The following TBC1D22A variants were observed in gnomAD, a reference collection of about 807,000 sequenced individuals.
TBC1D22A encodes the protein putative GTPase activator.
TBC1D22A carries 38 observed loss-of-function variants against 60.2 expected under a neutral mutation model. The observed-to-expected ratio is 0.63, with a 90% CI of 0.49 to 0.83. The LOEUF is 0.83. Among genes scored for constraint, TBC1D22A ranks in the 40% least tolerant of loss-of-function variants. The pLI is 0.00. For missense variants in TBC1D22A, 628 were observed against 701.0 expected (o/e 0.90, Z 1.18); for synonymous variants, 302 against 281.7 (o/e 1.07, Z -0.72).
chr22:47,116,744 A>G (rs1324282644), intron 12 of TBC1D22A: 2 of 152,360 alleles, frequency 1.3e-5, no homozygotes, highest in African/African-American at 4.8e-5. Context: ...TGGCTCTGGG[A>G]CTGAGTTGTG....
At chr22:47,141,328 A>C (rs2067077135) in intron 12 of TBC1D22A, among the ~76,000 whole-genome samples, 1 of 152,220 alleles carries the variant, frequency 6.6e-6, no homozygotes, top group Non-Finnish European at 1.5e-5. Context: ...ATTAGCCTGC[A>C]ACCTTGATCA....
At chr22:46,816,977 T>C (rs956281478) in intron 4 of TBC1D22A, among the ~76,000 whole-genome samples, 1 of 152,226 alleles carries the variant, frequency 6.6e-6, no homozygotes, top group Non-Finnish European at 1.5e-5. Flanking sequence ...GGCAAAATGC[T>C]GATGTTCGAA....
At chr22:46,818,473 C>T (rs2085693361) in intron 4 of TBC1D22A, among the ~76,000 whole-genome samples, 1 of 152,288 alleles carries the variant, frequency 6.6e-6, no homozygotes, top group Middle Eastern at 3.4e-3. Flanking sequence ...ATATGGGTAG[C>T]CAGTTTTCCC....
intron 8 of TBC1D22A, among the ~76,000 whole-genome samples, chr22:46,948,196 CAAGAAATCA>C (rs2072670082): frequency 1.3e-5 from 2 of 152,178 alleles, no homozygotes; most frequent in Non-Finnish European, 1.5e-5. Flanking sequence ...AGAGAGAAAA[CAAGAAATCA>C]AAGCCCCTTA....
chr22:47,014,637 C>T (rs990070540), intron 10 of TBC1D22A, among the ~76,000 whole-genome samples: 12 of 152,240 alleles, frequency 7.9e-5, no homozygotes, highest in Non-Finnish European at 1.3e-4. Context: ...ACAGTATCTC[C>T]GCCTGACCAA....
At position 47,045,523 on chromosome 22, in the gene TBC1D22A, T is replaced by C. The variant is rs547320896; in HGVS notation, c.1329+8325T>C. ...TCCTTAGCCACCTCCAGAGTTTGAA[T>C]TGAATGGTAATGACATTTCTTAAGG... is the stretch of plus-strand genomic sequence containing the variant. On this transcript the variant is annotated intron_variant, in intron 11 of 12. Coordinates refer to ENST00000337137, the MANE Select transcript of TBC1D22A (RefSeq NM_014346.5). Among the ~76,000 whole-genome samples the C allele has an allele frequency of 9.6e-4, 147 of 152,350 alleles. No homozygotes were observed. In the Middle Eastern group the frequency reaches 0.01, roughly 11 times the overall value.
At chr22:46,879,338 A>G (rs1310339765) in intron 5 of TBC1D22A, among the ~76,000 whole-genome samples, 2 of 152,270 alleles carry the variant, frequency 1.3e-5, no homozygotes, top group East Asian at 3.9e-4. Flanking sequence ...GCCCTCGTAC[A>G]CTTAGCTCAG....
intron 9 of TBC1D22A, among the ~76,000 whole-genome samples, chr22:46,984,584 A>G (rs933653695): frequency 1.4e-4 from 22 of 152,226 alleles, no homozygotes; most frequent in Middle Eastern, 6.8e-3. Context: ...TCTTAGGTTC[A>G]CTACTGAACA....
intron 4 of TBC1D22A, among the ~76,000 whole-genome samples, chr22:46,837,645 A>G (rs1357356084): frequency 6.6e-6 from 1 of 152,244 alleles, no homozygotes. Flanking sequence ...CAAAGAGGAA[A>G]TTAAAGGGAA....
intron 11 of TBC1D22A, among the ~76,000 whole-genome samples, chr22:47,077,947 C>G (rs901450219): frequency 6.6e-6 from 1 of 152,192 alleles, no homozygotes; most frequent in African/African-American, 2.4e-5. Flanking sequence ...TTTTTCTGCT[C>G]TCCTAATTTG....
rs1007942388 is a variant in TBC1D22A at position 46,897,025 on chromosome 22, C to A, written c.900+2179C>A. 2.6e-5 allele frequency among the ~76,000 whole-genome samples: 4 copies of A among 152,222 alleles called. No individual in the cohort carries two copies. The South Asian group carries it at 6.2e-4, about 24-fold the overall frequency. ...ATGTGCTAGTTCCTCTTTTAAAAGT[C>A]ATTTTTAATGCTTTTCAGTGAAGGT... On this transcript the variant is annotated intron_variant, in intron 7 of 12. Transcript: ENST00000337137.
intron 4 of TBC1D22A, among the ~76,000 whole-genome samples, chr22:46,842,289 G>C (rs2086805045): frequency 6.6e-6 from 1 of 152,230 alleles, no homozygotes; most frequent in Non-Finnish European, 1.5e-5. Flanking sequence ...AGCCATATAG[G>C]CTGAGCAGTC....
intron 4 of TBC1D22A, among the ~76,000 whole-genome samples, chr22:46,861,260 T>C (rs1318484500): frequency 6.6e-6 from 1 of 152,206 alleles, no homozygotes; most frequent in Admixed American, 6.5e-5. Flanking sequence ...AATTGTGTTT[T>C]ATCTCACGTA....
At chr22:46,834,866 T>C (rs796386325) in intron 4 of TBC1D22A, among the ~76,000 whole-genome samples, 48 of 152,298 alleles carry the variant, frequency 3.2e-4, no homozygotes, top group African/African-American at 9.1e-4. Context: ...CACGTGAGCC[T>C]CTGCAGATTG....
intron 11 of TBC1D22A, among the ~76,000 whole-genome samples, chr22:47,094,838 A>G (rs2065108398): frequency 6.6e-6 from 1 of 151,870 alleles, no homozygotes; most frequent in African/African-American, 2.4e-5. Flanking sequence ...GAGGCTGTAG[A>G]GAGGAGAACC....
At chr22:47,096,241 G>A (rs1371216322) in intron 11 of TBC1D22A, among the ~76,000 whole-genome samples, 1 of 152,114 alleles carries the variant, frequency 6.6e-6, no homozygotes, top group East Asian at 1.9e-4. Context: ...GCAGTCTGTG[G>A]TTTCGCCTAA....
intron 4 of TBC1D22A, among the ~76,000 whole-genome samples, chr22:46,807,268 G>GTGGGGGTGATGGTGATT (rs2085188011): frequency 1.3e-3 from 2 of 1,506 alleles, no homozygotes; most frequent in Admixed American, 0.013. Flanking sequence ...TGATGGTGAT[G>GTGGGGGTGATGGTGATT]GTGATGATGG....
rs78768839 is a variant in TBC1D22A at position 46,812,636 on chromosome 22, G to A, written c.637+15016G>A. 3.3e-3 allele frequency among the ~76,000 whole-genome samples: 500 copies of A among 152,306 alleles called. 2 individuals carry two copies. Among genetic ancestry groups the A allele is most frequent in the African/African-American group, 0.011 (472 of 41,566 alleles). ...ATGGGGGTTTTGAAATGGGTTTTCC[G>A]TGAAGTTGATTGAGGAATTGGCAGA... On this transcript the variant is annotated intron_variant, in intron 4 of 12. Coordinates refer to ENST00000337137, the MANE Select transcript of TBC1D22A (RefSeq NM_014346.5).
intron 4 of TBC1D22A, among the ~76,000 whole-genome samples, chr22:46,866,158 G>T (rs1017381646): frequency 8.5e-5 from 13 of 152,188 alleles, no homozygotes; most frequent in Non-Finnish European, 1.5e-4. Context: ...AGGCTGCAGT[G>T]CCGTGGCGTA....
Sources: gnomAD v4.1 joint callset for allele counts (sites outside exome capture counted in the v4.1 genomes callset) on GRCh38, gnomAD v4.1.1 for gene constraint, MANE v1.5 for transcripts, NCBI Gene and HGNC (gene_info 2026-07-23, HGNC 2026-07-21) for gene names.